TRPC5: variants seen among roughly 807,000 people sequenced by gnomAD.
TRPC5 encodes the protein transient receptor potential cation channel subfamily C member 5, also known as short transient receptor potential channel 5.
A neutral mutation model predicts 56.5 loss-of-function variants in TRPC5; 9 were observed. The observed-to-expected ratio is 0.16, with a 90% CI of 0.10 to 0.28. The LOEUF (loss-of-function observed/expected upper bound fraction) is 0.28, where lower values mean the gene tolerates loss of function less well. Among genes scored for constraint, TRPC5 ranks in the 10% least tolerant of loss-of-function variants. The probability of loss-of-function intolerance (pLI) is 1.00; values close to 1 mark genes in which losing one functional copy is unlikely to be tolerated. For synonymous variants in TRPC5, 282 were observed against 278.5 expected, an observed-to-expected ratio of 1.01 and a Z score of -0.13; for missense variants, 469 against 748.9, an observed-to-expected ratio of 0.63 and a Z score of 4.36.
chrX:112,022,926 A>G (rs1244264740), intron 1 of TRPC5, among the ~76,000 whole-genome samples: 1 of 111,565 alleles, frequency 9.0e-6, no homozygotes, highest in Non-Finnish European at 1.9e-5. Context: ...GGATTGAGGA[A>G]GATTTTTTTT....
At chrX:112,045,030 A>C (rs991092175) in intron 1 of TRPC5, among the ~76,000 whole-genome samples, 1 of 112,396 alleles carries the variant, frequency 8.9e-6, no homozygotes, top group Non-Finnish European at 1.9e-5. Context: ...TGCCTGCGTC[A>C]CAAGGGTGGT....
At chrX:112,072,778 T>C (rs1257842718) in intron 1 of TRPC5, among the ~76,000 whole-genome samples, 1 of 111,332 alleles carries the variant, frequency 9.0e-6, no homozygotes, top group Non-Finnish European at 1.9e-5. Flanking sequence ...TACCTTTCCT[T>C]ATCTTCCTTC....
At chrX:111,804,049 A>G (rs1352572118) in intron 7 of TRPC5, among the ~76,000 whole-genome samples, 7 of 112,256 alleles carry the variant, frequency 6.2e-5, no homozygotes, top group Non-Finnish European at 1.3e-4. Flanking sequence ...TAAGGGATCC[A>G]GTTTCAGCTT....
chrX:111,856,832 A>C (rs1192361406), intron 3 of TRPC5, among the ~76,000 whole-genome samples: 3 of 108,312 alleles, frequency 2.8e-5, no homozygotes, highest in East Asian at 2.9e-4. Flanking sequence ...AAAAAAAAAA[A>C]AAAACCATAG....
Position 111,973,955 on chromosome X carries a change from A to G in TRPC5, c.-21-21514T>C, listed in dbSNP as rs142581967. 8.0e-3 allele frequency among the ~76,000 whole-genome samples: 896 copies of G among 111,466 alleles called. 9 individuals carry two copies. The highest frequency in any genetic ancestry group is 0.027 in the African/African-American group (840 of 30,676). On this transcript the variant is annotated intron_variant, in intron 1 of 10. Transcript: ENST00000262839. ...GGCAAATGCTATAAATCAGTGCTAG[A>G]TTTACTGTTCTGTCGACAGTTTAGA...
At chrX:112,048,228 A>G (rs1403995163) in intron 1 of TRPC5, among the ~76,000 whole-genome samples, 1 of 111,412 alleles carries the variant, frequency 9.0e-6, no homozygotes, top group Non-Finnish European at 1.9e-5. Flanking sequence ...ATGCCAAGAA[A>G]TAAAAGGGAG....
At chrX:111,810,002 C>A in intron 7 of TRPC5, among the ~76,000 whole-genome samples, 1 of 109,577 alleles carries the variant, frequency 9.1e-6, no homozygotes, top group East Asian at 2.9e-4. Flanking sequence ...GCAACCTCTG[C>A]CTCCTGGGTT....
At chrX:112,037,736 T>C (rs1929785691) in intron 1 of TRPC5, among the ~76,000 whole-genome samples, 1 of 111,370 alleles carries the variant, frequency 9.0e-6, no homozygotes, top group Non-Finnish European at 1.9e-5. Context: ...AAAAGTTAGG[T>C]TATGGACTTG....
At chrX:111,938,884 T>A (rs1458175082) in intron 2 of TRPC5, among the ~76,000 whole-genome samples, 2 of 112,422 alleles carry the variant, frequency 1.8e-5, no homozygotes, top group Admixed American at 9.4e-5. Flanking sequence ...TTGTTTCCAA[T>A]CTGGATGCCC....
chrX:111,813,572 ATTC>A lies in TRPC5; in HGVS notation c.1896+21346_1896+21348del, dbSNP rs761417575. ...ACCAGTTTTTGACAAAGTCTTACAT[ATTC>A]TTTCAGATTTCCTGCAAGCAACTAT... On this transcript the variant is annotated intron_variant, in intron 7 of 10. Coordinates refer to ENST00000262839, the MANE Select transcript of TRPC5 (RefSeq NM_012471.3). Among the ~76,000 whole-genome samples the A allele has an allele frequency of 9.8e-5, 11 of 112,652 alleles. No homozygotes were observed. In the South Asian group the frequency reaches 4.0e-3, roughly 41 times the overall value.
At chrX:111,949,637 A>G (rs187596646) in intron 2 of TRPC5, among the ~76,000 whole-genome samples, 48 of 112,174 alleles carry the variant, frequency 4.3e-4, no homozygotes, top group African/African-American at 1.3e-3. Flanking sequence ...TCAAAACCAC[A>G]GAGCGATACC....
intron 7 of TRPC5, among the ~76,000 whole-genome samples, chrX:111,801,345 TCTC>T (rs770953294): frequency 8.9e-6 from 1 of 112,218 alleles, no homozygotes; most frequent in East Asian, 2.8e-4. Context: ...TTTGAATAAT[TCTC>T]CTATGAGTAT....
In TRPC5 at chrX:111,802,985, A is replaced by T. The variant is rs141067527; in HGVS notation, c.1897-20847T>A. ...CACCCATCAACTCATCATTTACATC[A>T]GGTGTTTCTCCTAATGCTATCCCTC... On this transcript the variant is annotated intron_variant, in intron 7 of 10. Transcript: ENST00000262839. Among the ~76,000 whole-genome samples, 46 of 110,827 alleles carry T rather than the reference A, an allele frequency of 4.2e-4. No individual in the cohort carries two copies. The East Asian group carries it at 0.012, about 29-fold the overall frequency.
At chrX:111,910,671 A>C (rs1925788919) in intron 3 of TRPC5, among the ~76,000 whole-genome samples, 1 of 111,660 alleles carries the variant, frequency 9.0e-6, no homozygotes, top group Non-Finnish European at 1.9e-5. Flanking sequence ...AGCTGGGATT[A>C]CATGCACCTG....
chrX:111,886,791 G>A (rs780527435), intron 3 of TRPC5, among the ~76,000 whole-genome samples: 38 of 111,975 alleles, frequency 3.4e-4, no homozygotes, highest in Non-Finnish European at 6.4e-4. Context: ...CATTTCTGTC[G>A]CCTCCTGTGA....
At chrX:111,941,251 AAAAT>A (rs1187804453) in intron 2 of TRPC5, among the ~76,000 whole-genome samples, 1 of 112,286 alleles carries the variant, frequency 8.9e-6, no homozygotes, top group Non-Finnish European at 1.9e-5. Flanking sequence ...TCTAACCTGT[AAAAT>A]AAATAGTCTT....
intron 2 of TRPC5, among the ~76,000 whole-genome samples, chrX:111,941,899 C>G (rs1227263987): frequency 8.9e-6 from 1 of 112,138 alleles, no homozygotes; most frequent in Non-Finnish European, 1.9e-5. Flanking sequence ...GACTGTGGGA[C>G]TCTGCTGTAG....
rs113540506 is a variant in TRPC5 at position 111,950,063 on chromosome X, G to A, written c.378+1980C>T. On this transcript the variant is annotated intron_variant, in intron 2 of 10. Coordinates refer to ENST00000262839, the MANE Select transcript of TRPC5 (RefSeq NM_012471.3). ...GAGTTGGCTGGGCGCGGTGGCTCAC[G>A]CCTGTAATCCCAGCACTTTGGGAGG... Among the ~76,000 whole-genome samples, 713 of 111,548 alleles carry A rather than the reference G, an allele frequency of 6.4e-3. 5 individuals carry two copies. The highest frequency in any genetic ancestry group is 0.022 in the African/African-American group (669 of 30,722).
At chrX:112,067,346 G>A (rs1202615162) in intron 1 of TRPC5, among the ~76,000 whole-genome samples, 1 of 112,806 alleles carries the variant, frequency 8.9e-6, no homozygotes, top group Non-Finnish European at 1.9e-5. Context: ...GTAGTGTCAG[G>A]AAGCAGGATA....
Sources: gnomAD v4.1 joint callset for allele counts (sites outside exome capture counted in the v4.1 genomes callset) on GRCh38, gnomAD v4.1.1 for gene constraint, MANE v1.5 for transcripts, NCBI Gene and HGNC (gene_info 2026-07-23, HGNC 2026-07-21) for gene names.